The following PIGK variants were observed in gnomAD, a reference collection of about 807,000 sequenced individuals.
PIGK encodes the protein phosphatidylinositol glycan anchor biosynthesis class K.
PIGK carries 42 observed loss-of-function variants against 50.6 expected under a neutral mutation model. The ratio of observed to expected loss-of-function variants is 0.83; its 90% CI spans 0.65 to 1.07. The LOEUF (loss-of-function observed/expected upper bound fraction) is 1.07. Ranked by LOEUF, PIGK falls within the 50% of genes least tolerant of loss-of-function variation. The pLI, the probability that PIGK is intolerant of heterozygous loss-of-function variation, is 0.00. For synonymous variants in PIGK, 151 were observed against 156.0 expected (o/e 0.97, Z 0.24); for missense variants, 448 against 488.7 (o/e 0.92, Z 0.78).
rs750772450 is a variant in PIGK, at chr1:77,161,357, A to G, written c.751T>C (p.Phe251Leu). Residue 251 changes from phenylalanine to leucine, a missense_variant, in exon 8 of 11, where the codon TTT becomes CTT. By Grantham distance (22) the Phe-to-Leu change is conservative. Coordinates refer to ENST00000370812, the MANE Select transcript of PIGK (RefSeq NM_005482.3). ...IGVHLMDRYTFYVLEFLEEIN... is the reference protein window; with the variant it reads ...IGVHLMDRYTLYVLEFLEEIN... ...TCTTCCAAAAATTCCAAGACATAAA[A>G]TGTGTATCTATCCATAAGATGGACT... 1.2e-6 allele frequency: 2 copies of G among 1,607,078 alleles called. No homozygotes were observed. Among genetic ancestry groups the G allele is most frequent in the Non-Finnish European group, 1.7e-6 (2 of 1,173,726 alleles).
chr1:77,127,728 A>G (rs1230778912), intron 9 of PIGK, among the ~76,000 whole-genome samples: 1 of 152,216 alleles, frequency 6.6e-6, no homozygotes, highest in African/African-American at 2.4e-5. Flanking sequence ...CATTAGGAAG[A>G]AATTCTCTAC....
chr1:77,164,039 C>T, intron 5 of PIGK, 97 bp from the exon 6 acceptor site: 1 of 634,724 alleles, frequency 1.6e-6, no homozygotes, highest in Non-Finnish European at 2.7e-6. Context: ...TTTGACATCG[C>T]TTGTTATTTT....
chr1:77,126,659 T>A (rs563569313), intron 9 of PIGK, among the ~76,000 whole-genome samples: 1 of 152,272 alleles, frequency 6.6e-6, no homozygotes, highest in South Asian at 2.1e-4. Context: ...GATTGTCACC[T>A]TAAGGTCATC....
intron 3 of PIGK, chr1:77,195,125 G>T (rs970565598): frequency 3.3e-6 from 4 of 1,212,170 alleles, no homozygotes; most frequent in Non-Finnish European, 4.8e-6. Flanking sequence ...AGGAAGGAGG[G>T]TGATTCAGAG....
intron 10 of PIGK, among the ~76,000 whole-genome samples, chr1:77,119,782 G>A (rs964058502): frequency 4.6e-5 from 7 of 152,146 alleles, no homozygotes; most frequent in African/African-American, 1.7e-4. Flanking sequence ...CAGCTTCTAA[G>A]TTGTGCTACT....
chr1:77,192,737 C>T (rs1372537811), intron 3 of PIGK, among the ~76,000 whole-genome samples: 1 of 151,972 alleles, frequency 6.6e-6, no homozygotes, highest in African/African-American at 2.4e-5. Flanking sequence ...TCACAACATG[C>T]TAGAGTTAAT....
At chr1:77,124,825 C>T (rs75022922) in intron 9 of PIGK, among the ~76,000 whole-genome samples, 20,034 of 151,930 alleles carry the variant, frequency 0.13, 1,548 homozygotes, top group East Asian at 0.36. Context: ...AATAAAAAAG[C>T]GAACAACTCA....
intron 6 of PIGK, 69 bp from the exon 7 acceptor site, chr1:77,161,780 A>G (rs781108504): frequency 2.1e-5 from 16 of 744,968 alleles, no homozygotes; most frequent in Non-Finnish European, 3.2e-5. Flanking sequence ...TTTCTACAAT[A>G]CTTTTGTAAG....
chr1:77,212,294 C>G (rs12755514), intron 1 of PIGK, among the ~76,000 whole-genome samples: 15,042 of 152,106 alleles, frequency 0.099, 894 homozygotes, highest in African/African-American at 0.16. Context: ...CTATTACTTA[C>G]TAGGTGTATA....
chr1:77,104,406 AAT>A (rs894922570), intron 10 of PIGK, among the ~76,000 whole-genome samples: 23 of 152,332 alleles, frequency 1.5e-4, no homozygotes, highest in African/African-American at 4.1e-4. Context: ...TGAGATAAAA[AAT>A]ATGAAATTTC....
At chr1:77,118,692 G>C (rs1654031632) in intron 10 of PIGK, among the ~76,000 whole-genome samples, 2 of 152,134 alleles carry the variant, frequency 1.3e-5, no homozygotes. Context: ...CCCTCCAGTA[G>C]TTAATCAACT....
In PIGK at chr1:77,090,117, A is replaced by ACTAT. The variant is rs1459644434; in HGVS notation, c.*2253_*2256dup. 1 of 152,242 alleles carries ACTAT rather than the reference A, an allele frequency of 6.6e-6. No homozygotes were observed. Among genetic ancestry groups the ACTAT allele is most frequent in the African/African-American group, 2.4e-5 (1 of 41,460 alleles). 9.4% of individuals were successfully genotyped at this position (152,242 alleles called of 1,614,324 possible). A position where few individuals can be genotyped will look rare whatever the true frequency, so the allele number is the denominator to read the frequency against. On this transcript the variant is annotated 3_prime_UTR_variant, in exon 11 of 11. Coordinates refer to ENST00000370812, the MANE Select transcript of PIGK (RefSeq NM_005482.3). ...AATTTCAGAAGTGTTTAGTCAAAAT[A>ACTAT]CTATCTCATCTGATTCTCACCACAA...
At chr1:77,113,805 C>T (rs996896346) in intron 10 of PIGK, among the ~76,000 whole-genome samples, 8 of 152,086 alleles carry the variant, frequency 5.3e-5, no homozygotes, top group Admixed American at 2.0e-4. Context: ...AAAACTTTCT[C>T]TTTTCAAGTG....
chr1:77,110,926 C>T (rs1653825905), intron 10 of PIGK, among the ~76,000 whole-genome samples: 1 of 151,954 alleles, frequency 6.6e-6, no homozygotes, highest in African/African-American at 2.4e-5. Context: ...AAAAAACAAC[C>T]CCATCAACAA....
intron 10 of PIGK, among the ~76,000 whole-genome samples, chr1:77,109,538 G>C (rs966632775): frequency 6.6e-6 from 1 of 152,086 alleles, no homozygotes; most frequent in African/African-American, 2.4e-5. Context: ...ATGCAGAAAA[G>C]GCCTTTGACA....
intron 8 of PIGK, among the ~76,000 whole-genome samples, chr1:77,156,026 T>TA (rs1378108085): frequency 2.0e-5 from 3 of 151,886 alleles, no homozygotes; most frequent in Non-Finnish European, 4.4e-5. Context: ...TTGTCATCCC[T>TA]ATTCAGGAAA....
At chr1:77,168,826 C>T (rs1017787766) in intron 4 of PIGK, among the ~76,000 whole-genome samples, 5 of 151,902 alleles carry the variant, frequency 3.3e-5, no homozygotes, top group Non-Finnish European at 7.4e-5. Flanking sequence ...TTTACATTTA[C>T]ATTTTTATTT....
Position 77,198,118 on chromosome 1 carries a change from T to G in PIGK, c.239+8522A>C, listed in dbSNP as rs369603768. 5.3e-5 allele frequency among the ~76,000 whole-genome samples: 8 copies of G among 152,238 alleles called. No homozygotes were observed. In the East Asian group the frequency reaches 1.2e-3, roughly 22 times the overall value. ...TTAGATTATTTATTAGTAAATCAAA[T>G]AAAAATTATCATGCAGACATCAATT... is the stretch of plus-strand genomic sequence containing the variant. On this transcript the variant is annotated intron_variant, in intron 3 of 10. Transcript: ENST00000370812.
chr1:77,219,340 G>A lies in PIGK; in HGVS notation c.63C>T (p.Ser21=), dbSNP rs748348558. 30 of 1,613,818 alleles carry A rather than the reference G, an allele frequency of 1.9e-5. No homozygotes were observed. Among genetic ancestry groups the A allele is most frequent in the Non-Finnish European group, 2.5e-5 (30 of 1,179,816 alleles). The change falls in exon 1 of 11, where the codon TCC becomes TCT. Residue 21 remains serine, a synonymous_variant. Coordinates refer to ENST00000370812, the MANE Select transcript of PIGK (RefSeq NM_005482.3). ...TATGACTAGCGGCCACGCTGCCGAAGGACAAGAGCAACACAGTTGCCAAGA... is the reference window on the plus strand; with the variant it reads ...TATGACTAGCGGCCACGCTGCCGAAAGACAAGAGCAACACAGTTGCCAAGA... ...ATVLATVLLL[S]FGSVAASHIE...
Sources: allele counts gnomAD v4.1 joint callset (sites outside exome capture counted in the v4.1 genomes callset), GRCh38; gene constraint gnomAD v4.1.1; transcripts MANE v1.5; gene names NCBI Gene and HGNC (gene_info 2026-07-23, HGNC 2026-07-21).